The following ADCY9 variants were observed in gnomAD, a reference collection of about 807,000 sequenced individuals.
The protein encoded by ADCY9 is adenylate cyclase 9, also known as adenylate cyclase type 9.
A neutral mutation model predicts 101.5 loss-of-function variants in ADCY9; 50 were observed. The ratio of observed to expected loss-of-function variants is 0.49; its 90% confidence interval spans 0.39 to 0.62. The LOEUF (loss-of-function observed/expected upper bound fraction) is 0.62, where lower values mean the gene tolerates loss of function less well. ADCY9 is among the 20% of genes least tolerant of loss of function. ADCY9 has a pLI of 0.00. For missense variants in ADCY9, 1,662 were observed against 1,800.4 expected, an observed-to-expected ratio of 0.92 and a Z score of 1.39; for synonymous variants, 905 against 769.3, an observed-to-expected ratio of 1.18 and a Z score of -2.92.
chr16:3,963,451 G>A lies in ADCY9; in HGVS notation c.*2324C>T, dbSNP rs375630382. The A allele has an allele frequency of 7.7e-4, 304 of 397,268 alleles. 12 individuals carry two copies. In the South Asian group the frequency reaches 0.033, roughly 43 times the overall value. The allele number at this position is 397,268 out of a possible 1,614,324, so 24.6% of individuals were successfully genotyped here. A position where few individuals can be genotyped will look rare whatever the true frequency, so the allele number is the denominator to read the frequency against. On this transcript the variant is annotated 3_prime_UTR_variant, in exon 11 of 11. Coordinates refer to ENST00000294016, the MANE Select transcript of ADCY9 (RefSeq NM_001116.4). Reference sequence around the variant, plus strand: ...GGACGGGGAGGACCCGAGGGGCTTCGTGGCCCAGAGAGAACGTCTGCACTG... The same window carrying A: ...GGACGGGGAGGACCCGAGGGGCTTCATGGCCCAGAGAGAACGTCTGCACTG...
intron 2 of ADCY9, among the ~76,000 whole-genome samples, chr16:4,041,298 T>G (rs1417506369): frequency 6.6e-6 from 1 of 151,554 alleles, no homozygotes; most frequent in Non-Finnish European, 1.5e-5. Context: ...AGGTCAGGAG[T>G]TTGAGACCAG....
At chr16:4,061,083 G>A (rs1038748292) in intron 2 of ADCY9, among the ~76,000 whole-genome samples, 1 of 152,036 alleles carries the variant, frequency 6.6e-6, no homozygotes, top group Non-Finnish European at 1.5e-5. Context: ...TAACTGTAAT[G>A]AAAAGTTCAC....
chr16:4,060,665 C>G (rs962856299), intron 2 of ADCY9, among the ~76,000 whole-genome samples: 3 of 152,066 alleles, frequency 2.0e-5, no homozygotes, highest in Admixed American at 6.6e-5. Flanking sequence ...TCAGCAGCTG[C>G]TACAGAGACA....
intron 10 of ADCY9, among the ~76,000 whole-genome samples, chr16:3,970,096 G>A (rs1403110148): frequency 2.6e-5 from 4 of 152,262 alleles, no homozygotes; most frequent in Non-Finnish European, 1.5e-5. Flanking sequence ...CGCGCACAGA[G>A]TAGGCCAGTT....
chr16:4,074,388 A>G (rs952136663), intron 2 of ADCY9, among the ~76,000 whole-genome samples: 3 of 152,030 alleles, frequency 2.0e-5, no homozygotes, highest in African/African-American at 7.2e-5. Flanking sequence ...TAGAAGAGAT[A>G]AAAATAGAAT....
intron 2 of ADCY9, among the ~76,000 whole-genome samples, chr16:4,054,421 G>C (rs1003241725): frequency 6.6e-6 from 1 of 152,008 alleles, no homozygotes; most frequent in Non-Finnish European, 1.5e-5. Flanking sequence ...GACTTCGCAG[G>C]GCTCGGTTCT....
intron 2 of ADCY9, among the ~76,000 whole-genome samples, chr16:4,055,706 C>T (rs764997074): frequency 3.3e-5 from 5 of 152,044 alleles, no homozygotes; most frequent in East Asian, 1.9e-4. Context: ...TGGCGCCGGG[C>T]GCCTGTAGTC....
chr16:4,013,795 T>A (rs1160438666), intron 2 of ADCY9, among the ~76,000 whole-genome samples: 1 of 152,234 alleles, frequency 6.6e-6, no homozygotes, highest in Non-Finnish European at 1.5e-5. Context: ...ATATATTTTA[T>A]AATTATCTAT....
chr16:4,057,104 A>C (rs1597198378), intron 2 of ADCY9, among the ~76,000 whole-genome samples: 2 of 149,496 alleles, frequency 1.3e-5, no homozygotes, highest in Admixed American at 1.4e-4. Flanking sequence ...TTGGCATAAA[A>C]AAAACAAAAA....
chr16:4,067,916 A>T (rs1191614882), intron 2 of ADCY9, among the ~76,000 whole-genome samples: 1 of 152,216 alleles, frequency 6.6e-6, no homozygotes, highest in East Asian at 1.9e-4. Flanking sequence ...ACTTTTGGTG[A>T]AAAACTGCAA....
intron 5 of ADCY9, among the ~76,000 whole-genome samples, chr16:3,989,348 T>C (rs2056224782): frequency 8.8e-6 from 1 of 114,144 alleles, no homozygotes; most frequent in African/African-American, 2.6e-5. Context: ...ACCATGATTA[T>C]AGCACACATC....
At chr16:4,054,866 C>T (rs1037976335) in intron 2 of ADCY9, among the ~76,000 whole-genome samples, 3 of 151,984 alleles carry the variant, frequency 2.0e-5, no homozygotes, top group Admixed American at 1.3e-4. Context: ...TGTGCCCAGC[C>T]GAAATGGATA....
At chr16:4,003,485 G>A (rs554828137) in intron 3 of ADCY9, among the ~76,000 whole-genome samples, 4 of 152,066 alleles carry the variant, frequency 2.6e-5, no homozygotes, top group Admixed American at 6.5e-5. Flanking sequence ...ATCCCGAGAG[G>A]TCTCTTCCTT....
intron 2 of ADCY9, among the ~76,000 whole-genome samples, chr16:4,076,886 G>C (rs1490249271): frequency 6.6e-6 from 1 of 152,060 alleles, no homozygotes; most frequent in Admixed American, 6.6e-5. Context: ...AGACCAGCTT[G>C]GCCAACATGG....
In ADCY9 at chr16:3,966,002, C is replaced by T; in HGVS notation, c.3835G>A (p.Ala1279Thr). 6.2e-7 allele frequency: 1 copy of T among 1,614,224 alleles called. No homozygotes were observed. ...SIGRSPTDEI[A>T]NLVPSVQYVD... ...TACTGGACAGAAGGCACCAGGTTGG[C>T]AATCTCGTCTGTGGGAGACCGTCCG... Residue 1279 changes from alanine to threonine, a missense_variant, in exon 11 of 11, where the codon GCC becomes ACC. Around this residue, in one of 5 missense-constraint regions of ADCY9, gnomAD observed 168 missense variants for 155.3 expected, o/e 1.08. Transcript: ENST00000294016.
chr16:4,003,792 GC>G (rs1219132445), intron 3 of ADCY9, among the ~76,000 whole-genome samples: 1 of 151,988 alleles, frequency 6.6e-6, no homozygotes, highest in Non-Finnish European at 1.5e-5. Context: ...TTGCGCCCCT[GC>G]CCGCCGTGGT....
In ADCY9 at chr16:3,993,427, G is replaced by A. The variant is rs977346667; in HGVS notation, c.1968C>T (p.Asp656=). The part of the protein sequence containing the change: ...EGGAPQNGCQ[D]EHKNSTKASG... ...TTACCTTGGTGCTGTTTTTATGCTC[G>A]TCTTGGCAGCCGTTTTGAGGTGCTC... is the stretch of plus-strand genomic sequence containing the variant. The change falls in exon 4 of 11, where the codon GAC becomes GAT. Residue 656 remains aspartate, a synonymous_variant. Transcript: ENST00000294016. 7.4e-6 allele frequency: 12 copies of A among 1,614,138 alleles called. No homozygotes were observed. The highest frequency in any genetic ancestry group is 2.7e-5 in the African/African-American group (2 of 75,058).
At chr16:4,091,464 C>A (rs2056973264) in intron 2 of ADCY9, among the ~76,000 whole-genome samples, 2 of 152,094 alleles carry the variant, frequency 1.3e-5, no homozygotes, top group South Asian at 4.1e-4. Context: ...AGGTATGTGC[C>A]CCAAAGAACT....
Position 3,963,537 on chromosome 16 carries a change from G to A in ADCY9, c.*2238C>T, listed in dbSNP as rs560764257. 5.7e-5 allele frequency: 22 copies of A among 384,660 alleles called. No homozygotes were observed. The highest frequency in any genetic ancestry group is 8.3e-5 in the Non-Finnish European group (18 of 217,600). The allele number at this position is 384,660 out of a possible 1,614,324, so 23.8% of individuals were successfully genotyped here. A position where few individuals can be genotyped will look rare whatever the true frequency, so the allele number is the denominator to read the frequency against. On this transcript the variant is annotated 3_prime_UTR_variant, in exon 11 of 11. Coordinates refer to ENST00000294016, the MANE Select transcript of ADCY9 (RefSeq NM_001116.4). ...CGTTAAGCTCTGGGTGAGTCTGCACGGGGCTGAACCAGACTCCACTTTGCA... is the reference window on the plus strand; with the variant it reads ...CGTTAAGCTCTGGGTGAGTCTGCACAGGGCTGAACCAGACTCCACTTTGCA...
Sources: allele counts gnomAD v4.1 joint callset (sites outside exome capture counted in the v4.1 genomes callset), GRCh38; gene constraint gnomAD v4.1.1; regional missense constraint gnomAD v4.1.1; transcripts MANE v1.5; gene names NCBI Gene and HGNC (gene_info 2026-07-23, HGNC 2026-07-21).